DENND2C: variants seen among roughly 807,000 people sequenced by gnomAD.
DENND2C encodes DENN domain-containing protein 2C.
DENND2C carries 72 observed loss-of-function variants against 112.4 expected under a neutral mutation model. The ratio of observed to expected loss-of-function variants is 0.64; its 90% confidence interval spans 0.53 to 0.78. DENND2C has a LOEUF of 0.78. DENND2C is among the 30% of genes least tolerant of loss of function. DENND2C has a pLI of 0.00. For missense variants in DENND2C, 992 were observed against 1,113.8 expected (o/e 0.89, Z 1.56); for synonymous variants, 329 against 381.6 (o/e 0.86, Z 1.61).
chr1:114,624,189 T>C (rs1392557144), intron 4 of DENND2C, among the ~76,000 whole-genome samples: 1 of 152,252 alleles, frequency 6.6e-6, no homozygotes, highest in African/African-American at 2.4e-5. Context: ...TGTTCTTCAT[T>C]GGGTTCCTTT....
chr1:114,634,062 A>G (rs1034141524), intron 3 of DENND2C, among the ~76,000 whole-genome samples: 2 of 152,228 alleles, frequency 1.3e-5, no homozygotes, highest in Non-Finnish European at 2.9e-5. Context: ...AATAGGTGCA[A>G]TTCATCAAGA....
chr1:114,610,264 A>G (rs1288948294), intron 9 of DENND2C, among the ~76,000 whole-genome samples: 1 of 152,234 alleles, frequency 6.6e-6, no homozygotes, highest in African/African-American at 2.4e-5. Context: ...TCAGAAATGC[A>G]TGGTGCATTC....
intron 3 of DENND2C, among the ~76,000 whole-genome samples, chr1:114,644,569 C>T (rs943790647): frequency 9.9e-5 from 15 of 152,088 alleles, no homozygotes; most frequent in African/African-American, 2.4e-4. Flanking sequence ...TTTAAGAATA[C>T]GAGTAACACC....
Position 114,625,461 on chromosome 1 carries a change from T to C in DENND2C, c.524A>G (p.Glu175Gly), listed in dbSNP as rs751190412. 23 of 1,614,066 alleles carry C rather than the reference T, an allele frequency of 1.4e-5. No homozygotes were observed. The highest frequency in any genetic ancestry group is 1.9e-5 in the Non-Finnish European group (22 of 1,180,028). Reference protein sequence around the residue: ...ALEHCDSSEKELNFRVLDSSY... With the variant: ...ALEHCDSSEKGLNFRVLDSSY... ...ACTATCCAGAACTCTGAAGTTCAGT[T>C]CTTTTTCTGAAGAGTCACAATGTTC... Residue 175 changes from glutamate (E) to glycine (G), a missense_variant, in exon 4 of 21, where the codon GAA (glutamate) becomes GGA (glycine). Physicochemically the swap from Glu to Gly is moderately conservative, Grantham distance 98 (BLOSUM62 -2). Coordinates refer to ENST00000393274, the MANE Select transcript of DENND2C (RefSeq NM_001256404.2).
intron 3 of DENND2C, among the ~76,000 whole-genome samples, chr1:114,635,243 C>G (rs1656622841): frequency 6.6e-6 from 1 of 151,942 alleles, no homozygotes; most frequent in Non-Finnish European, 1.5e-5. Context: ...CATCATTCCA[C>G]CTAATAATAT....
chr1:114,618,423 T>TA lies in DENND2C; in HGVS notation c.1286dup (p.Leu429PhefsTer15), dbSNP rs757191748. ...GTAATTCCTTTCCAGTGTAAGAATG[T>TA]AACTTTACCTTCTTCTTCCCTCTTT... On this transcript the variant is annotated frameshift_variant, in exon 8 of 21. Coordinates refer to ENST00000393274, the MANE Select transcript of DENND2C (RefSeq NM_001256404.2). LOFTEE classifies it high-confidence loss of function. 1 of 1,595,878 alleles carries TA rather than the reference T, an allele frequency of 6.3e-7. No individual in the cohort carries two copies. The highest frequency in any genetic ancestry group is 8.5e-7 in the Non-Finnish European group (1 of 1,173,644).
intron 3 of DENND2C, among the ~76,000 whole-genome samples, chr1:114,645,020 A>G (rs148912578): frequency 5.3e-4 from 81 of 152,356 alleles, no homozygotes; most frequent in African/African-American, 1.9e-3. Context: ...TAAAAATTAA[A>G]TATGTAAAAG....
chr1:114,633,487 A>G (rs1010063621), intron 3 of DENND2C, among the ~76,000 whole-genome samples: 22 of 149,776 alleles, frequency 1.5e-4, no homozygotes, highest in African/African-American at 5.4e-4. Flanking sequence ...GAAGGAAGGA[A>G]TGAAGGAAGG....
chr1:114,621,495 T>C (rs530556271), intron 7 of DENND2C, among the ~76,000 whole-genome samples: 1 of 152,380 alleles, frequency 6.6e-6, no homozygotes, highest in Non-Finnish European at 1.5e-5. Flanking sequence ...ACTTTTTCAT[T>C]ACTGAAAATC....
chr1:114,644,699 T>C (rs1158608063), intron 3 of DENND2C, among the ~76,000 whole-genome samples: 1 of 152,192 alleles, frequency 6.6e-6, no homozygotes, highest in Non-Finnish European at 1.5e-5. Flanking sequence ...GAGGAAGATA[T>C]CTTCATTTTC....
intron 19 of DENND2C, 80 bp from the exon 20 acceptor site, chr1:114,587,553 G>A: frequency 6.6e-7 from 1 of 1,524,362 alleles, no homozygotes; most frequent in South Asian, 1.1e-5. Context: ...CTTATAACCA[G>A]TGTATTATTT....
At chr1:114,618,581 C>A in intron 7 of DENND2C, 99 bp from the exon 8 acceptor site, 2 of 610,280 alleles carry the variant, frequency 3.3e-6, no homozygotes, top group Non-Finnish European at 5.2e-6. Context: ...AGAGAAAAGA[C>A]CTATTTTATA....
intron 3 of DENND2C, among the ~76,000 whole-genome samples, chr1:114,630,088 G>T (rs1301411904): frequency 1.3e-5 from 2 of 152,038 alleles, no homozygotes; most frequent in African/African-American, 4.8e-5. Flanking sequence ...GCTGAGGCGG[G>T]CGGATCATGA....
At chr1:114,668,553 A>ACC (rs1553239524) in intron 1 of DENND2C, among the ~76,000 whole-genome samples, 416 of 148,720 alleles carry the variant, frequency 2.8e-3, no homozygotes, top group East Asian at 6.3e-3. Flanking sequence ...ACACACACAC[A>ACC]CCCCAACTAA....
chr1:114,642,052 A>G (rs1656853116), intron 3 of DENND2C, among the ~76,000 whole-genome samples: 1 of 152,068 alleles, frequency 6.6e-6, no homozygotes, highest in African/African-American at 2.4e-5. Flanking sequence ...TCCCGGTTCA[A>G]GTGGTTCTCC....
chr1:114,605,846 T>G (rs1485552165), intron 10 of DENND2C, among the ~76,000 whole-genome samples: 3 of 152,168 alleles, frequency 2.0e-5, no homozygotes, highest in African/African-American at 7.2e-5. Flanking sequence ...TATATAATCA[T>G]TTCCTTTAGC....
intron 2 of DENND2C, among the ~76,000 whole-genome samples, chr1:114,653,401 GC>G (rs1274897750): frequency 6.6e-6 from 1 of 152,028 alleles, no homozygotes; most frequent in African/African-American, 2.4e-5. Flanking sequence ...GAGCCACTGC[GC>G]CCAGCCTCCT....
chr1:114,644,023 T>C (rs985299610), intron 3 of DENND2C, among the ~76,000 whole-genome samples: 3 of 152,200 alleles, frequency 2.0e-5, no homozygotes, highest in Admixed American at 6.5e-5. Context: ...GAGGGTTTAT[T>C]TGCCACAGCT....
chr1:114,598,509 G>C (rs1317740321), intron 16 of DENND2C, among the ~76,000 whole-genome samples: 1 of 151,920 alleles, frequency 6.6e-6, no homozygotes, highest in East Asian at 1.9e-4. Flanking sequence ...AAGATAATGA[G>C]TACCTTTGGT....
Sources: gnomAD v4.1 joint callset for allele counts (sites outside exome capture counted in the v4.1 genomes callset) on GRCh38, gnomAD v4.1.1 for gene constraint, MANE v1.5 for transcripts, NCBI Gene and HGNC (gene_info 2026-07-23, HGNC 2026-07-21) for gene names.